The following PTPRD variants were observed in gnomAD, a reference collection of about 807,000 sequenced individuals.
The protein encoded by PTPRD is protein tyrosine phosphatase receptor type D.
In PTPRD, 34 loss-of-function variants were observed where a neutral mutation model predicts 214.5. The ratio of observed to expected loss-of-function variants is 0.16; its 90% CI spans 0.12 to 0.21. The LOEUF (loss-of-function observed/expected upper bound fraction) is 0.21. Ranked by LOEUF, PTPRD falls within the 10% of genes least tolerant of loss-of-function variation. The probability of loss-of-function intolerance (pLI) is 1.00; values close to 1 mark genes in which losing one functional copy is unlikely to be tolerated. For missense variants in PTPRD, 2,545 were observed against 2,398.7 expected (o/e 1.06, Z -1.27); for synonymous variants, 1,128 against 845.7 (o/e 1.33, Z -5.79).
intron 9 of PTPRD, among the ~76,000 whole-genome samples, chr9:9,247,711 A>T (rs1032768410): frequency 6.6e-6 from 1 of 151,998 alleles, no homozygotes; most frequent in Non-Finnish European, 1.5e-5. Context: ...ACCTCTTCTG[A>T]CCCTTGAATC....
intron 3 of PTPRD, among the ~76,000 whole-genome samples, chr9:10,107,448 G>C (rs1412519632): frequency 6.6e-6 from 1 of 151,986 alleles, no homozygotes; most frequent in Non-Finnish European, 1.5e-5. Context: ...CCCTGGAATT[G>C]CCGTTAGAAT....
chr9:10,280,273 G>A (rs1303620384), intron 3 of PTPRD, among the ~76,000 whole-genome samples: 2 of 151,986 alleles, frequency 1.3e-5, no homozygotes, highest in East Asian at 3.9e-4. Context: ...AATTACCTGA[G>A]GTTGAAATTT....
chr9:8,877,351 C>A lies in PTPRD; in HGVS notation c.-104+141346G>T, dbSNP rs1006109260. On this transcript the variant is annotated intron_variant, in intron 11 of 45. Coordinates refer to ENST00000381196, the MANE Select transcript of PTPRD (RefSeq NM_002839.4). ...TATGTCAAATTAATAGTTTATTAAA[C>A]GTTGTTTAATCTACCTGAATAGGTA... 2.0e-5 allele frequency among the ~76,000 whole-genome samples: 3 copies of A among 152,114 alleles called. 1 individual carries two copies. Among genetic ancestry groups the A allele is most frequent in the African/African-American group, 7.2e-5 (3 of 41,410 alleles).
At position 10,127,373 on chromosome 9, in the gene PTPRD, A is replaced by T. The variant is rs1007293118; in HGVS notation, c.-544-93583T>A. ...ATAATGCCTTTTAATTCAATAAAGCACTTCATAATTCTACAAATTGAATTA... is the reference window on the plus strand; with the variant it reads ...ATAATGCCTTTTAATTCAATAAAGCTCTTCATAATTCTACAAATTGAATTA... On this transcript the variant is annotated intron_variant, in intron 3 of 45. Transcript: ENST00000381196. Among the ~76,000 whole-genome samples the T allele has an allele frequency of 7.2e-4, 110 of 152,322 alleles. 1 individual carries two copies. The highest frequency in any genetic ancestry group is 1.9e-4 in the East Asian group (1 of 5,176).
rs945841157 is a variant in PTPRD, at chr9:8,767,586, T to C, written c.-103-33640A>G. 5.3e-5 allele frequency among the ~76,000 whole-genome samples: 8 copies of C among 152,212 alleles called. No homozygotes were observed. The East Asian group carries it at 1.2e-3, about 22-fold the overall frequency. On this transcript the variant is annotated intron_variant, in intron 11 of 45. Transcript: ENST00000381196. Reference sequence around the variant, plus strand: ...GGGTGCACCATACGTTGAGTCATAATAGATGGGTGGCCATGATCAATCTTC... The same window carrying C: ...GGGTGCACCATACGTTGAGTCATAACAGATGGGTGGCCATGATCAATCTTC...
intron 6 of PTPRD, among the ~76,000 whole-genome samples, chr9:9,740,435 G>A (rs1478429404): frequency 3.3e-5 from 5 of 150,916 alleles, no homozygotes. Flanking sequence ...TGGGCTCACT[G>A]CAAGCTCCGC....
intron 7 of PTPRD, among the ~76,000 whole-genome samples, chr9:9,718,517 G>C (rs940892865): frequency 1.3e-5 from 2 of 152,204 alleles, no homozygotes; most frequent in African/African-American, 4.8e-5. Context: ...CACAGCTGCA[G>C]CTGCCCAGCC....
At chr9:8,384,662 G>C (rs577460395) in intron 37 of PTPRD, among the ~76,000 whole-genome samples, 1 of 152,226 alleles carries the variant, frequency 6.6e-6, no homozygotes, top group East Asian at 1.9e-4. Context: ...GAGTAGCTGG[G>C]ATTACAGGCG....
At chr9:9,651,387 C>G (rs1564319468) in intron 7 of PTPRD, among the ~76,000 whole-genome samples, 2 of 152,086 alleles carry the variant, frequency 1.3e-5, no homozygotes, top group African/African-American at 2.4e-5. Flanking sequence ...GAACCTCTTC[C>G]TCCTCCCACC....
At chr9:8,828,087 C>G (rs188823194) in intron 11 of PTPRD, among the ~76,000 whole-genome samples, 68 of 152,132 alleles carry the variant, frequency 4.5e-4, no homozygotes, top group African/African-American at 1.5e-3. Flanking sequence ...TTATACAATC[C>G]ACAGATGAAG....
intron 44 of PTPRD, 44 bp from the exon 45 acceptor site, chr9:8,320,010 A>AGTCT: frequency 1.3e-6 from 2 of 1,598,088 alleles, no homozygotes; most frequent in South Asian, 1.1e-5. Context: ...AGATGTTCAC[A>AGTCT]GTCTTGGCCA....
intron 5 of PTPRD, among the ~76,000 whole-genome samples, chr9:9,793,202 A>G (rs1394114338): frequency 6.6e-6 from 1 of 152,160 alleles, no homozygotes; most frequent in African/African-American, 2.4e-5. Context: ...AATTGCTATT[A>G]TCATAAGTTG....
intron 2 of PTPRD, among the ~76,000 whole-genome samples, chr9:10,489,876 G>A (rs921130029): frequency 3.9e-5 from 6 of 152,158 alleles, no homozygotes; most frequent in Admixed American, 3.9e-4. Context: ...GCTGGGGAAT[G>A]GGGGAGGGAT....
At chr9:8,477,858 G>A in intron 30 of PTPRD, among the ~76,000 whole-genome samples, 1 of 152,370 alleles carries the variant, frequency 6.6e-6, no homozygotes, top group East Asian at 1.9e-4. Flanking sequence ...CACAGAGGCA[G>A]GGCTGTGGTT....
chr9:10,010,656 A>C (rs1323162272), intron 4 of PTPRD, among the ~76,000 whole-genome samples: 2 of 151,910 alleles, frequency 1.3e-5, no homozygotes, highest in Admixed American at 1.3e-4. Context: ...ATTAGGTCCC[A>C]ACTTCTACTC....
chr9:8,643,889 A>T (rs1044056439), intron 12 of PTPRD, among the ~76,000 whole-genome samples: 1 of 152,142 alleles, frequency 6.6e-6, no homozygotes, highest in Non-Finnish European at 1.5e-5. Flanking sequence ...GCAGAAGGGG[A>T]TGGATCCGGT....
intron 10 of PTPRD, among the ~76,000 whole-genome samples, chr9:9,139,853 C>T (rs1186570096): frequency 1.3e-5 from 2 of 151,938 alleles, no homozygotes; most frequent in Non-Finnish European, 2.9e-5. Flanking sequence ...ACTATTCTAC[C>T]CTTAGGGAGA....
intron 9 of PTPRD, among the ~76,000 whole-genome samples, chr9:9,258,215 C>G (rs543616149): frequency 2.0e-5 from 3 of 151,810 alleles, no homozygotes; most frequent in Non-Finnish European, 4.4e-5. Context: ...GTAGCCAATA[C>G]TATACAAAGC....
At chr9:8,623,909 A>C (rs2095909539) in intron 14 of PTPRD, among the ~76,000 whole-genome samples, 1 of 151,962 alleles carries the variant, frequency 6.6e-6, no homozygotes, top group Admixed American at 6.6e-5. Flanking sequence ...ACAAACGAAT[A>C]AACGAAAAAG....
Sources: allele counts gnomAD v4.1 joint callset (sites outside exome capture counted in the v4.1 genomes callset), GRCh38; gene constraint gnomAD v4.1.1; transcripts MANE v1.5; gene names NCBI Gene and HGNC (gene_info 2026-07-23, HGNC 2026-07-21).